The following CAST variants were observed in gnomAD, a reference collection of about 807,000 sequenced individuals.
CAST encodes calpastatin, also known as MIR583 host.
Under a neutral mutation model 119.6 loss-of-function variants are expected in CAST, and 76 were observed. That is an observed-to-expected ratio of 0.64 (90% CI 0.53 to 0.77). CAST has a LOEUF of 0.77. Ranked by LOEUF, CAST falls within the 30% of genes least tolerant of loss-of-function variation. CAST has a pLI of 0.00. For missense variants in CAST, 953 were observed against 946.5 expected, an observed-to-expected ratio of 1.01 and a Z score of -0.09; for synonymous variants, 319 against 331.6, an observed-to-expected ratio of 0.96 and a Z score of 0.41.
chr5:96,515,411 G>A, the CAST span, among the ~76,000 whole-genome samples: 1 of 151,998 alleles, frequency 6.6e-6, no homozygotes, highest in Non-Finnish European at 1.5e-5. Context: ...GGACCATAAA[G>A]TGATCTTGAC....
At chr5:95,992,083 CATT>C in the CAST span, among the ~76,000 whole-genome samples, 2 of 152,144 alleles carry the variant, frequency 1.3e-5, no homozygotes, top group Non-Finnish European at 2.9e-5. Context: ...TGGGAAATGA[CATT>C]AATAATATGC....
the CAST span, among the ~76,000 whole-genome samples, chr5:96,099,085 A>G: frequency 6.6e-6 from 1 of 152,140 alleles, no homozygotes; most frequent in Non-Finnish European, 1.5e-5. Flanking sequence ...TTTTGTGGCA[A>G]TTGTGAATGA....
chr5:96,358,117 T>C, the CAST span, among the ~76,000 whole-genome samples: 1 of 152,328 alleles, frequency 6.6e-6, no homozygotes, highest in East Asian at 1.9e-4. Flanking sequence ...TTTATTTGCA[T>C]AGAGGTGTTT....
intron 2 of CAST, among the ~76,000 whole-genome samples, chr5:96,678,518 A>G (rs994113036): frequency 6.6e-6 from 1 of 152,194 alleles, no homozygotes; most frequent in African/African-American, 2.4e-5. Flanking sequence ...GATGAGGGTT[A>G]GGTGAGAACC....
At chr5:96,753,613 C>T (rs754559475) in intron 20 of CAST, among the ~76,000 whole-genome samples, 3 of 152,174 alleles carry the variant, frequency 2.0e-5, no homozygotes, top group Admixed American at 2.0e-4. Context: ...AACAGGCTTC[C>T]GAGCCTCCTC....
chr5:96,373,553 A>T, the CAST span, among the ~76,000 whole-genome samples: 3 of 152,168 alleles, frequency 2.0e-5, no homozygotes, highest in South Asian at 6.2e-4. Flanking sequence ...AAATTGCTTC[A>T]TATCCTGGAT....
the CAST span, among the ~76,000 whole-genome samples, chr5:96,185,199 GT>G: frequency 6.6e-6 from 1 of 151,772 alleles, no homozygotes; most frequent in Non-Finnish European, 1.5e-5. Flanking sequence ...GGAGTTGTTT[GT>G]TTTTTTCTTG....
At chr5:96,311,473 G>A in the CAST span, among the ~76,000 whole-genome samples, 3 of 151,956 alleles carry the variant, frequency 2.0e-5, no homozygotes, top group African/African-American at 7.2e-5. Flanking sequence ...GTTTCCACAT[G>A]TCCATTATGA....
At chr5:96,168,950 G>C in the CAST span, among the ~76,000 whole-genome samples, 2 of 152,186 alleles carry the variant, frequency 1.3e-5, no homozygotes, top group Non-Finnish European at 2.9e-5. Context: ...GCCTCTAAAA[G>C]TATTAAGGAG....
chr5:96,080,229 CAG>C, the CAST span, among the ~76,000 whole-genome samples: 1 of 152,162 alleles, frequency 6.6e-6, no homozygotes, highest in African/African-American at 2.4e-5. Flanking sequence ...AAGGACCTAA[CAG>C]AAGTACATCA....
chr5:96,419,405 C>G, the CAST span, among the ~76,000 whole-genome samples: 1 of 147,988 alleles, frequency 6.8e-6, no homozygotes. Context: ...TATATAAACT[C>G]ACTTAATACC....
At chr5:96,474,790 G>A in the CAST span, among the ~76,000 whole-genome samples, 2 of 152,052 alleles carry the variant, frequency 1.3e-5, no homozygotes, top group Non-Finnish European at 2.9e-5. Context: ...AACAGCCAAG[G>A]TACTCTATGA....
At chr5:96,029,201 G>A in the CAST span, among the ~76,000 whole-genome samples, 3 of 152,192 alleles carry the variant, frequency 2.0e-5, no homozygotes, top group Non-Finnish European at 2.9e-5. Flanking sequence ...AATTCAAAAC[G>A]TACAATAGCA....
At chr5:96,284,014 T>C in the CAST span, among the ~76,000 whole-genome samples, 4 of 152,188 alleles carry the variant, frequency 2.6e-5, no homozygotes, top group Admixed American at 6.5e-5. Context: ...GGTGCTGTTA[T>C]GCACCAGGTA....
chr5:96,168,268 G>A, the CAST span, among the ~76,000 whole-genome samples: 1 of 152,168 alleles, frequency 6.6e-6, no homozygotes, highest in Non-Finnish European at 1.5e-5. Flanking sequence ...CTGAGCAATG[G>A]GATCTGATGC....
rs191852480 is a variant in CAST, at chr5:96,746,421, C to T, written c.1280C>T (p.Ala427Val). Reference sequence around the variant, plus strand: ...CCATCTGAGTACAGATTAAAACCAGCCACGGTAAATTTTTAGCCACAGTGC... The same window carrying T: ...CCATCTGAGTACAGATTAAAACCAGTCACGGTAAATTTTTAGCCACAGTGC... Reference protein sequence around the residue: ...TIPSEYRLKPATDKDGKPLLP... With the variant: ...TIPSEYRLKPVTDKDGKPLLP... The change falls in exon 17 of 32, where the codon GCC becomes GTC. Residue 427 changes from alanine (A) to valine (V), a missense_variant. By Grantham distance (64) the Ala-to-Val change is moderately conservative. Coordinates refer to ENST00000675179, the MANE Select transcript of CAST (RefSeq NM_001750.7). 73 of 1,593,822 alleles carry T rather than the reference C, an allele frequency of 4.6e-5. No individual in the cohort carries two copies. The East Asian group carries it at 1.6e-3, about 34-fold the overall frequency.
At chr5:96,423,245 G>A in the CAST span, 1 of 1,485,062 alleles carries the variant, frequency 6.7e-7, no homozygotes, top group Non-Finnish European at 9.2e-7. Context: ...TGAAAAGAAG[G>A]AAAGCCCTAA....
At chr5:96,522,229 AT>A (rs1439900504), upstream of CAST, among the ~76,000 whole-genome samples, 1 of 152,182 alleles carries the variant, frequency 6.6e-6, no homozygotes, top group African/African-American at 2.4e-5. Flanking sequence ...GGGTACTTTT[AT>A]TGTCAAGCGC....
chr5:95,981,425 T>C, the CAST span, among the ~76,000 whole-genome samples: 2 of 152,202 alleles, frequency 1.3e-5, no homozygotes, highest in African/African-American at 4.8e-5. Context: ...ATTTCTTGTA[T>C]AACAATGCTT....
Sources: allele counts gnomAD v4.1 joint callset (sites outside exome capture counted in the v4.1 genomes callset), GRCh38; gene constraint gnomAD v4.1.1; transcripts MANE v1.5; gene names NCBI Gene and HGNC (gene_info 2026-07-23, HGNC 2026-07-21).